The following TRPC1 variants were observed in gnomAD, a reference collection of about 807,000 sequenced individuals.
TRPC1 encodes the protein short transient receptor potential channel 1.
A neutral mutation model predicts 88.2 loss-of-function variants in TRPC1; 42 were observed. The observed-to-expected ratio is 0.48, with a 90% CI of 0.37 to 0.62. The LOEUF (loss-of-function observed/expected upper bound fraction) is 0.62, where lower values mean the gene tolerates loss of function less well. Ranked by LOEUF, TRPC1 falls within the 20% of genes least tolerant of loss-of-function variation. TRPC1 has a pLI of 0.00. For synonymous variants in TRPC1, 288 were observed against 331.8 expected (o/e 0.87, Z 1.43); for missense variants, 699 against 957.3 (o/e 0.73, Z 3.56).
At chr3:142,787,089 CATAAT>C (rs1021193845) in intron 7 of TRPC1, among the ~76,000 whole-genome samples, 1 of 152,168 alleles carries the variant, frequency 6.6e-6, no homozygotes, top group Non-Finnish European at 1.5e-5. Context: ...CCCTTACACA[CATAAT>C]ATGATTAATT....
At chr3:142,781,397 T>A (rs911324059) in intron 6 of TRPC1, among the ~76,000 whole-genome samples, 1 of 152,168 alleles carries the variant, frequency 6.6e-6, no homozygotes, top group African/African-American at 2.4e-5. Flanking sequence ...GAAGTTTCCA[T>A]CTTGTGTTTT....
At chr3:142,786,417 G>A (rs980627355) in intron 7 of TRPC1, among the ~76,000 whole-genome samples, 3 of 152,072 alleles carry the variant, frequency 2.0e-5, no homozygotes, top group African/African-American at 7.2e-5. Flanking sequence ...ATTGTAATTA[G>A]AGTTTTGCTT....
At position 142,741,188 on chromosome 3, in the gene TRPC1, A is replaced by G. The variant is rs1296454574; in HGVS notation, c.328-2297A>G. Among the ~76,000 whole-genome samples, 30 of 151,272 alleles carry G rather than the reference A, an allele frequency of 2.0e-4. 1 individual carries two copies. Among genetic ancestry groups the G allele is most frequent in the Admixed American group, 1.8e-3 (27 of 15,182 alleles). On this transcript the variant is annotated intron_variant, in intron 2 of 12. Coordinates refer to ENST00000476941, the MANE Select transcript of TRPC1 (RefSeq NM_001251845.2). ...ACTAGTGAGGATTTTTTGTATAACT[A>G]TGTATTTTTAAAATAATTTAAAACA...
In TRPC1 at chr3:142,736,525, G is replaced by A. The variant is rs764030575; in HGVS notation, c.319G>A (p.Gly107Ser). 3.1e-6 allele frequency: 5 copies of A among 1,606,540 alleles called. No homozygotes were observed. The highest frequency in any genetic ancestry group is 2.3e-5 in the East Asian group (1 of 44,442). Residue 107 changes from glycine (G) to serine (S), a missense_variant, in exon 2 of 13, where the codon GGT (glycine) becomes AGT (serine). Gly to Ser is a moderately conservative substitution (Grantham distance 56). Transcript: ENST00000476941. ...TATACTGCAGCTTCTTTTGGACTACGGTTGTCAGGTACAAGGCTAGATAAT... is the reference window on the plus strand; with the variant it reads ...TATACTGCAGCTTCTTTTGGACTACAGTTGTCAGGTACAAGGCTAGATAAT... Reference protein sequence around the residue: ...LDILQLLLDYGCQSADALLVA... With the variant: ...LDILQLLLDYSCQSADALLVA...
chr3:142,773,809 C>T (rs1935665130), intron 4 of TRPC1, among the ~76,000 whole-genome samples: 1 of 149,040 alleles, frequency 6.7e-6, no homozygotes, highest in Non-Finnish European at 1.5e-5. Flanking sequence ...GCCCCCCTCT[C>T]CCCCATAGTG....
At chr3:142,759,064 C>G (rs1198626117) in intron 4 of TRPC1, among the ~76,000 whole-genome samples, 1 of 152,040 alleles carries the variant, frequency 6.6e-6, no homozygotes. Flanking sequence ...TTTTTTTTAT[C>G]CAGTCTATTA....
chr3:142,783,891 A>G (rs150299115), intron 6 of TRPC1, among the ~76,000 whole-genome samples: 1 of 152,210 alleles, frequency 6.6e-6, no homozygotes, highest in Non-Finnish European at 1.5e-5. Flanking sequence ...ACTTCACAAC[A>G]TGAGCATTAT....
rs899184796 is a variant in TRPC1 at position 142,807,007 on chromosome 3, T to G, written c.*772T>G. The G allele has an allele frequency of 6.6e-6, 1 of 152,126 alleles. No individual in the cohort carries two copies. Among genetic ancestry groups the G allele is most frequent in the African/African-American group, 2.4e-5 (1 of 41,456 alleles). 9.4% of individuals were successfully genotyped at this position (152,126 alleles called of 1,614,324 possible). A position where few individuals can be genotyped will look rare whatever the true frequency, so the allele number is the denominator to read the frequency against. On this transcript the variant is annotated 3_prime_UTR_variant, in exon 13 of 13. Coordinates refer to ENST00000476941, the MANE Select transcript of TRPC1 (RefSeq NM_001251845.2). ...CAGTAGATGTTTTATTTTTTAGCTA[T>G]TCAGTTATGTTTATAAGTTTGCATA...
intron 4 of TRPC1, among the ~76,000 whole-genome samples, chr3:142,777,380 C>A (rs914656548): frequency 6.6e-6 from 1 of 152,084 alleles, no homozygotes; most frequent in South Asian, 2.1e-4. Context: ...ATACCAAAGG[C>A]ATTTTGAATC....
rs537896534 is a variant in TRPC1, at chr3:142,805,968, C to T, written c.2155-40C>T. ...TTTGAACTCTACCTCATTTAAATAT[C>T]GTTTCTGCATATCCTTAGTATCATA... On this transcript the variant is annotated intron_variant, in intron 12 of 12. Transcript: ENST00000476941. 2.7e-5 allele frequency: 42 copies of T among 1,549,474 alleles called. No individual in the cohort carries two copies. In the South Asian group the frequency reaches 3.2e-4, roughly 12 times the overall value.
At chr3:142,755,989 A>G (rs1279257667) in intron 4 of TRPC1, among the ~76,000 whole-genome samples, 1 of 152,234 alleles carries the variant, frequency 6.6e-6, no homozygotes, top group East Asian at 1.9e-4. Flanking sequence ...GAAATTTCAT[A>G]TAAATGGAAT....
At chr3:142,751,678 C>T (rs1480851023) in intron 4 of TRPC1, among the ~76,000 whole-genome samples, 1 of 152,150 alleles carries the variant, frequency 6.6e-6, no homozygotes, top group Non-Finnish European at 1.5e-5. Flanking sequence ...TGGTGACAAA[C>T]TATTTTTAGG....
At position 142,728,215 on chromosome 3, in the gene TRPC1, G is replaced by A. The variant is rs564061189; in HGVS notation, c.172+3484G>A. ...AAATTTCAGCATGGGGTTAGGGGGA[G>A]GGATGGAGAGAGCAGGTTTTCACCT... On this transcript the variant is annotated intron_variant, in intron 1 of 12. Coordinates refer to ENST00000476941, the MANE Select transcript of TRPC1 (RefSeq NM_001251845.2). Among the ~76,000 whole-genome samples the A allele has an allele frequency of 5.3e-5, 8 of 152,242 alleles. 1 individual carries two copies. The highest frequency in any genetic ancestry group is 1.9e-4 in the African/African-American group (8 of 41,540).
intron 1 of TRPC1, among the ~76,000 whole-genome samples, chr3:142,726,632 G>A (rs972600202): frequency 6.6e-6 from 1 of 152,138 alleles, no homozygotes; most frequent in South Asian, 2.1e-4. Context: ...TAATTCTTAC[G>A]CATACTTATG....
At chr3:142,785,179 C>T in intron 7 of TRPC1, 139 bp downstream of exon 7, 1 of 660,378 alleles carries the variant, frequency 1.5e-6, no homozygotes, top group Non-Finnish European at 2.5e-6. Context: ...CTTCCATGAT[C>T]ACTGAAGACT....
At position 142,724,599 on chromosome 3, in the gene TRPC1, GCCT is replaced by G. The variant is rs759756419; in HGVS notation, c.52_54del (p.Ser18del). ...GTACCCGAGCACGGACCTCTCGGGCGCCTCCTCCTCCTCCCTGCCTTCCTCTCC... is the reference window on the plus strand; with the variant it reads ...GTACCCGAGCACGGACCTCTCGGGCGCCTCCTCCTCCCTGCCTTCCTCTCC... On this transcript the variant is annotated inframe_deletion, in exon 1 of 13. Coordinates refer to ENST00000476941, the MANE Select transcript of TRPC1 (RefSeq NM_001251845.2). This position sits in a 1 kb window ranked among gnomAD's most constrained non-coding sequence, Gnocchi z 5.6. 15 of 1,603,080 alleles carry G rather than the reference GCCT, an allele frequency of 9.4e-6. No individual in the cohort carries two copies. Among genetic ancestry groups the G allele is most frequent in the Admixed American group, 3.4e-5 (2 of 58,792 alleles).
rs750467100 is a variant in TRPC1 at position 142,792,989 on chromosome 3, A to C, written c.1581+22A>C. On this transcript the variant is annotated intron_variant, in intron 9 of 12. Transcript: ENST00000476941. The surrounding 1 kb of genome is among the most constrained non-coding windows in gnomAD (Gnocchi z 4.0). The stretch of plus-strand genomic sequence containing the variant: ...ACAGGTAAATAATTAAAATTTCTTA[A>C]AGAACATTTTTTAGATGTCATTATT... 2 of 1,558,018 alleles carry C rather than the reference A, an allele frequency of 1.3e-6. No individual in the cohort carries two copies. Among genetic ancestry groups the C allele is most frequent in the East Asian group, 4.6e-5 (2 of 43,262 alleles).
At chr3:142,770,093 C>CTTTTT (rs779905124) in intron 4 of TRPC1, among the ~76,000 whole-genome samples, 14 of 95,242 alleles carry the variant, frequency 1.5e-4, no homozygotes, top group African/African-American at 2.4e-4. Context: ...TTGTATGTTC[C>CTTTTT]TTTTTTTTTT....
At chr3:142,796,140 T>C (rs1031708520) in intron 9 of TRPC1, among the ~76,000 whole-genome samples, 3 of 152,024 alleles carry the variant, frequency 2.0e-5, no homozygotes, top group Admixed American at 2.0e-4. Context: ...ATCTGAGGCA[T>C]AGAGACATTA....
Sources: allele counts gnomAD v4.1 joint callset (sites outside exome capture counted in the v4.1 genomes callset), GRCh38; gene constraint gnomAD v4.1.1; non-coding constraint Gnocchi (gnomAD v3.1); transcripts MANE v1.5; gene names NCBI Gene and HGNC (gene_info 2026-07-23, HGNC 2026-07-21).